The following FILIP1L variants were observed in gnomAD, a reference collection of about 807,000 sequenced individuals.
FILIP1L encodes the protein filamin A-interacting protein 1-like.
A neutral mutation model predicts 96.6 loss-of-function variants in FILIP1L; 55 were observed. The observed-to-expected ratio is 0.57, with a 90% confidence interval of 0.46 to 0.71. FILIP1L has a LOEUF of 0.71. FILIP1L is among the 30% of genes least tolerant of loss of function. FILIP1L has a pLI of 0.00. For synonymous variants in FILIP1L, 467 were observed against 473.9 expected (o/e 0.99, Z 0.19); for missense variants, 1,304 against 1,321.2 (o/e 0.99, Z 0.20).
At chr3:99,847,435 A>G (rs988288881) in intron 5 of FILIP1L, among the ~76,000 whole-genome samples, 5 of 151,312 alleles carry the variant, frequency 3.3e-5, no homozygotes, top group African/African-American at 1.2e-4. Flanking sequence ...TACATGTTCT[A>G]TGGGAGGTTT....
chr3:99,929,632 A>G (rs1290211157), intron 3 of FILIP1L, among the ~76,000 whole-genome samples: 1 of 152,018 alleles, frequency 6.6e-6, no homozygotes, highest in African/African-American at 2.4e-5. Context: ...GGCATTTGGT[A>G]GATTTTGGTT....
intron 1 of FILIP1L, among the ~76,000 whole-genome samples, chr3:99,989,157 G>A (rs1480816676): frequency 6.6e-6 from 1 of 152,190 alleles, no homozygotes; most frequent in East Asian, 1.9e-4. Flanking sequence ...TGTATGACAT[G>A]GGTATTATAA....
chr3:100,111,525 G>A (rs2066491037), intron 1 of FILIP1L, among the ~76,000 whole-genome samples: 1 of 152,078 alleles, frequency 6.6e-6, no homozygotes. Context: ...CACCTTGTAG[G>A]TATAAATGAC....
intron 1 of FILIP1L, among the ~76,000 whole-genome samples, chr3:99,981,730 C>T (rs924485563): frequency 2.6e-5 from 4 of 152,126 alleles, no homozygotes; most frequent in African/African-American, 9.7e-5. Flanking sequence ...CTGCCTGATT[C>T]CAAATTGCGT....
At chr3:100,112,282 A>G (rs1024064847) in intron 1 of FILIP1L, among the ~76,000 whole-genome samples, 3 of 152,204 alleles carry the variant, frequency 2.0e-5, no homozygotes, top group Admixed American at 1.3e-4. Flanking sequence ...TTTAGGTTAG[A>G]ACATAGAATA....
chr3:99,839,620 T>G (rs1457500791), intron 5 of FILIP1L, among the ~76,000 whole-genome samples: 1 of 152,136 alleles, frequency 6.6e-6, no homozygotes, highest in African/African-American at 2.4e-5. Flanking sequence ...CAAGGGCACA[T>G]GAAAAATGGA....
At chr3:99,919,581 G>A (rs893514600) in intron 4 of FILIP1L, among the ~76,000 whole-genome samples, 4 of 151,614 alleles carry the variant, frequency 2.6e-5, no homozygotes, top group African/African-American at 9.7e-5. Flanking sequence ...TTTCAAGGAG[G>A]TTTCCAAATC....
chr3:100,103,572 A>G (rs1484312720), intron 1 of FILIP1L, among the ~76,000 whole-genome samples: 1 of 152,206 alleles, frequency 6.6e-6, no homozygotes, highest in African/African-American at 2.4e-5. Flanking sequence ...AGGTAACAAC[A>G]ACCATTCTTC....
At chr3:99,883,264 G>T (rs139705355) in intron 4 of FILIP1L, among the ~76,000 whole-genome samples, 1 of 152,280 alleles carries the variant, frequency 6.6e-6, no homozygotes, top group African/African-American at 2.4e-5. Flanking sequence ...AGAACTGGCT[G>T]CTTCTAACTT....
intron 1 of FILIP1L, among the ~76,000 whole-genome samples, chr3:100,082,398 G>A (rs890011078): frequency 2.0e-5 from 3 of 152,186 alleles, no homozygotes; most frequent in African/African-American, 7.2e-5. Flanking sequence ...AAAATTTTTT[G>A]TCATCACAGA....
At position 99,849,600 on chromosome 3, in the gene FILIP1L, C is replaced by T. The variant is rs1368519081; in HGVS notation, c.2076G>A (p.Lys692=). 2 of 1,613,476 alleles carry T rather than the reference C, an allele frequency of 1.2e-6. No homozygotes were observed. The highest frequency in any genetic ancestry group is 1.7e-6 in the Non-Finnish European group (2 of 1,179,994). The stretch of plus-strand genomic sequence containing the variant: ...GCCATTGTTCATGGCTGGTCTCTGT[C>T]TTTTCTGCTAACTTGTACTTAGCAA... ...MELAKYKLAE[K]TETSHEQWLF... Residue 692 remains lysine, a synonymous_variant, in exon 5 of 6, where the codon AAG becomes AAA. Transcript: ENST00000477258.
chr3:99,849,496 T>C lies in FILIP1L; in HGVS notation c.2180A>G (p.His727Arg), dbSNP rs1224191036. Residue 727 changes from histidine (H) to arginine (R), a missense_variant, in exon 5 of 6, where the codon CAT (histidine) becomes CGT (arginine). Transcript: ENST00000477258. Reference sequence around the variant, plus strand: ...TAGGTCTTCAGTTGCCATGTATTCATGAATTTTCTCTTTTAATGCATCCAC... The same window carrying C: ...TAGGTCTTCAGTTGCCATGTATTCACGAATTTTCTCTTTTAATGCATCCAC... ...REVDALKEKI[H>R]EYMATEDLIC... 6.2e-7 allele frequency: 1 copy of C among 1,613,436 alleles called. No homozygotes were observed. Among genetic ancestry groups the C allele is most frequent in the Admixed American group, 1.7e-5 (1 of 59,870 alleles).
intron 1 of FILIP1L, among the ~76,000 whole-genome samples, chr3:100,011,458 C>T (rs1383808564): frequency 2.0e-5 from 3 of 152,120 alleles, no homozygotes; most frequent in Non-Finnish European, 4.4e-5. Flanking sequence ...AGTTAGATGC[C>T]ATCTTCCTCC....
At chr3:100,037,510 T>C (rs2065128909) in intron 1 of FILIP1L, among the ~76,000 whole-genome samples, 1 of 152,240 alleles carries the variant, frequency 6.6e-6, no homozygotes, top group South Asian at 2.1e-4. Flanking sequence ...GCGCAACATA[T>C]AGAAATCTGA....
chr3:99,866,786 G>C (rs1944543181), intron 4 of FILIP1L, among the ~76,000 whole-genome samples: 1 of 152,134 alleles, frequency 6.6e-6, no homozygotes, highest in Non-Finnish European at 1.5e-5. Flanking sequence ...TGCAAAGTGA[G>C]AGTTTGGGCC....
intron 4 of FILIP1L, among the ~76,000 whole-genome samples, chr3:99,911,715 A>C (rs1413092671): frequency 6.6e-6 from 1 of 152,188 alleles, no homozygotes; most frequent in Admixed American, 6.5e-5. Context: ...CTTTCTAATC[A>C]GATCCTTGAG....
chr3:99,901,807 A>G (rs1706446381), intron 4 of FILIP1L, among the ~76,000 whole-genome samples: 1 of 152,160 alleles, frequency 6.6e-6, no homozygotes, highest in Non-Finnish European at 1.5e-5. Flanking sequence ...TAGGTTAGGA[A>G]GAGTCTCAAC....
chr3:100,066,509 C>A (rs1372712755), intron 1 of FILIP1L, among the ~76,000 whole-genome samples: 4 of 114,060 alleles, frequency 3.5e-5, no homozygotes, highest in African/African-American at 1.3e-4. Flanking sequence ...ATGTGGAAGG[C>A]TTTGCTTCTT....
intron 4 of FILIP1L, among the ~76,000 whole-genome samples, chr3:99,890,867 A>AT (rs1390907559): frequency 2.0e-5 from 3 of 151,878 alleles, no homozygotes; most frequent in African/African-American, 4.8e-5. Context: ...ATGCTTTCAG[A>AT]TTTTTTTATA....
Sources: gnomAD v4.1 joint callset for allele counts (sites outside exome capture counted in the v4.1 genomes callset) on GRCh38, gnomAD v4.1.1 for gene constraint, MANE v1.5 for transcripts, NCBI Gene and HGNC (gene_info 2026-07-23, HGNC 2026-07-21) for gene names.